MTMR7: variants seen among roughly 807,000 people sequenced by gnomAD.
MTMR7 encodes the protein phosphatidylinositol-3-phosphate phosphatase MTMR7.
A neutral mutation model predicts 81.2 loss-of-function variants in MTMR7; 76 were observed. That is an observed-to-expected ratio of 0.94 (90% confidence interval 0.78 to 1.13). The LOEUF (loss-of-function observed/expected upper bound fraction) is 1.13. Ranked by LOEUF, MTMR7 falls within the 50% of genes most tolerant of loss-of-function variation. MTMR7 has a pLI of 0.00. For missense variants in MTMR7, 1,044 were observed against 820.0 expected, an observed-to-expected ratio of 1.27 and a Z score of -3.34; for synonymous variants, 372 against 289.8, an observed-to-expected ratio of 1.28 and a Z score of -2.88.
chr8:17,352,576 C>A (rs1306070705), intron 4 of MTMR7, among the ~76,000 whole-genome samples: 1 of 151,978 alleles, frequency 6.6e-6, no homozygotes, highest in Non-Finnish European at 1.5e-5. Flanking sequence ...AAAGCAGAGA[C>A]AACAAAAGAA....
chr8:17,361,665 T>C (rs1247375217), intron 3 of MTMR7, among the ~76,000 whole-genome samples: 1 of 152,158 alleles, frequency 6.6e-6, no homozygotes, highest in Non-Finnish European at 1.5e-5. Context: ...CAAGCTTGGA[T>C]TTGGGATGGC....
chr8:17,401,793 T>G (rs564490840), intron 1 of MTMR7, among the ~76,000 whole-genome samples: 9 of 152,126 alleles, frequency 5.9e-5, no homozygotes, highest in African/African-American at 2.2e-4. Context: ...AGGAGAAAAT[T>G]GGGTGTGAGA....
At chr8:17,314,508 A>C (rs999484732) in intron 7 of MTMR7, among the ~76,000 whole-genome samples, 1 of 152,210 alleles carries the variant, frequency 6.6e-6, no homozygotes, top group South Asian at 2.1e-4. Flanking sequence ...AGCACTGTGC[A>C]TATGGGTCAC....
intron 6 of MTMR7, among the ~76,000 whole-genome samples, chr8:17,337,631 T>G (rs554324441): frequency 1.3e-5 from 2 of 152,334 alleles, no homozygotes; most frequent in African/African-American, 2.4e-5. Flanking sequence ...TTCTTTTTCT[T>G]TCGAGACAGG....
intron 1 of MTMR7, 129 bp from the exon 2 acceptor site, chr8:17,373,369 A>G: frequency 9.2e-7 from 1 of 1,086,108 alleles, no homozygotes; most frequent in Non-Finnish European, 1.3e-6. Flanking sequence ...AATAATAAAA[A>G]CCAAAAACTT....
At chr8:17,345,691 T>C (rs1267226193) in intron 5 of MTMR7, among the ~76,000 whole-genome samples, 1 of 152,206 alleles carries the variant, frequency 6.6e-6, no homozygotes, top group Non-Finnish European at 1.5e-5. Flanking sequence ...TGGTAACAGC[T>C]GATACAAAGG....
At chr8:17,300,420 G>T in intron 13 of MTMR7, 196 bp from the exon 14 acceptor site, 2 of 594,012 alleles carry the variant, frequency 3.4e-6, no homozygotes, top group South Asian at 4.6e-5. Context: ...CTAATGTAAG[G>T]ATAATACCTG....
At chr8:17,317,303 G>T (rs73666110) in intron 7 of MTMR7, among the ~76,000 whole-genome samples, 6 of 152,164 alleles carry the variant, frequency 3.9e-5, no homozygotes, top group Admixed American at 3.3e-4. Flanking sequence ...TGCTATGGGG[G>T]ATTTGGCCAA....
In MTMR7 at chr8:17,300,872, CAT is replaced by C. The variant is rs1162574982; in HGVS notation, c.1621-650_1621-649del. ...ATATAAATTGAATGGAATCATACAA[CAT>C]GTGGATTTTTGTATCTGGCTTCCTT... is the stretch of plus-strand genomic sequence containing the variant. On this transcript the variant is annotated intron_variant, in intron 13 of 13. Transcript: ENST00000180173. Among the ~76,000 whole-genome samples, 17 of 152,316 alleles carry C rather than the reference CAT, an allele frequency of 1.1e-4. No individual in the cohort carries two copies. The South Asian group carries it at 1.9e-3, about 17-fold the overall frequency.
At chr8:17,399,332 C>T (rs1349492468) in intron 1 of MTMR7, among the ~76,000 whole-genome samples, 1 of 152,068 alleles carries the variant, frequency 6.6e-6, no homozygotes, top group Non-Finnish European at 1.5e-5. Context: ...TTCATGTATG[C>T]CAACAGTGAA....
chr8:17,321,830 A>G (rs1225222394), intron 7 of MTMR7, among the ~76,000 whole-genome samples: 1 of 152,244 alleles, frequency 6.6e-6, no homozygotes, highest in Non-Finnish European at 1.5e-5. Context: ...AAGGACAACT[A>G]CATGTCACAA....
Position 17,299,574 on chromosome 8 carries a change from T to C in MTMR7, c.*288A>G, listed in dbSNP as rs1203777707. On this transcript the variant is annotated 3_prime_UTR_variant, in exon 14 of 14. Transcript: ENST00000180173. ...GACAAGGAAGATAGATACTGATCAC[T>C]TCAGGTAATGACAGAAGTAATTGCT... 2.2e-5 allele frequency: 8 copies of C among 363,954 alleles called. No homozygotes were observed. The highest frequency in any genetic ancestry group is 3.9e-5 in the South Asian group (1 of 25,674). The allele number at this position is 363,954 out of a possible 1,614,324, so 22.5% of individuals were successfully genotyped here. A position where few individuals can be genotyped will look rare whatever the true frequency, so the allele number is the denominator to read the frequency against.
chr8:17,390,155 T>C (rs1217280946), intron 1 of MTMR7, among the ~76,000 whole-genome samples: 1 of 152,046 alleles, frequency 6.6e-6, no homozygotes, highest in African/African-American at 2.4e-5. Context: ...GGGTAATTTA[T>C]AAAGAGAAGA....
chr8:17,352,686 T>C (rs1222966755), intron 4 of MTMR7, among the ~76,000 whole-genome samples: 1 of 152,156 alleles, frequency 6.6e-6, no homozygotes, highest in Non-Finnish European at 1.5e-5. Flanking sequence ...GAGAAGCTAT[T>C]AGTAAATTGC....
In MTMR7 at chr8:17,298,465, A is replaced by C. The variant is rs561008318; in HGVS notation, c.*1397T>G. 1.3e-5 allele frequency: 2 copies of C among 152,500 alleles called. No homozygotes were observed. The highest frequency in any genetic ancestry group is 2.9e-5 in the Non-Finnish European group (2 of 67,942). The allele number at this position is 152,500 out of a possible 1,614,324, so 9.4% of individuals were successfully genotyped here. A position where few individuals can be genotyped will look rare whatever the true frequency, so the allele number is the denominator to read the frequency against. On this transcript the variant is annotated 3_prime_UTR_variant, in exon 14 of 14. Coordinates refer to ENST00000180173, the MANE Select transcript of MTMR7 (RefSeq NM_004686.5). ...TATATATATTGCAACACTCCCTCCA[A>C]ATCTTTCATACTAGAGAGATCAGCA...
At chr8:17,388,066 A>C (rs1368744019) in intron 1 of MTMR7, among the ~76,000 whole-genome samples, 4 of 152,256 alleles carry the variant, frequency 2.6e-5, no homozygotes, top group African/African-American at 7.2e-5. Context: ...AACAAGAAAA[A>C]AGTGCCCATT....
chr8:17,372,130 AG>A (rs1460934454), intron 2 of MTMR7, among the ~76,000 whole-genome samples: 1 of 152,156 alleles, frequency 6.6e-6, no homozygotes, highest in African/African-American at 2.4e-5. Context: ...CTGGTGTTAC[AG>A]GAGGGTCTAT....
At chr8:17,390,442 C>G (rs1014770793) in intron 1 of MTMR7, among the ~76,000 whole-genome samples, 4 of 152,156 alleles carry the variant, frequency 2.6e-5, no homozygotes, top group African/African-American at 9.7e-5. Context: ...CATCTCCCAC[C>G]AGGCCCAACC....
At chr8:17,360,238 A>T (rs1486585146) in intron 4 of MTMR7, among the ~76,000 whole-genome samples, 9 of 152,224 alleles carry the variant, frequency 5.9e-5, no homozygotes, top group Admixed American at 5.9e-4. Context: ...AAACATAAAA[A>T]ATTAATATAC....
Sources: allele counts gnomAD v4.1 joint callset (sites outside exome capture counted in the v4.1 genomes callset), GRCh38; gene constraint gnomAD v4.1.1; transcripts MANE v1.5; gene names NCBI Gene and HGNC (gene_info 2026-07-23, HGNC 2026-07-21).